OTUD7A: variants seen among roughly 807,000 people sequenced by gnomAD.
The protein encoded by OTUD7A is OTU deubiquitinase 7A.
Under a neutral mutation model 65.7 loss-of-function variants are expected in OTUD7A, and 12 were observed. That is an observed-to-expected ratio of 0.18 (90% CI 0.12 to 0.30). The LOEUF is 0.30. Ranked by LOEUF, OTUD7A falls within the 10% of genes least tolerant of loss-of-function variation. The pLI is 1.00. For synonymous variants in OTUD7A, 641 were observed against 586.3 expected (o/e 1.09, Z -1.35); for missense variants, 1,148 against 1,304.8 (o/e 0.88, Z 1.85).
intron 1 of OTUD7A, among the ~76,000 whole-genome samples, chr15:31,716,350 A>C (rs1436727533): frequency 9.6e-6 from 1 of 104,226 alleles, no homozygotes; most frequent in African/African-American, 2.8e-5. Context: ...CATATTATAT[A>C]TTATTACATA....
chr15:31,769,043 A>C (rs1415615672), intron 1 of OTUD7A, among the ~76,000 whole-genome samples: 1 of 152,252 alleles, frequency 6.6e-6, no homozygotes, highest in Non-Finnish European at 1.5e-5. Flanking sequence ...AAGGGCTGAA[A>C]TATGCCAACT....
intron 1 of OTUD7A, among the ~76,000 whole-genome samples, chr15:31,748,869 T>C (rs1894550453): frequency 6.6e-6 from 1 of 152,208 alleles, no homozygotes; most frequent in Non-Finnish European, 1.5e-5. Flanking sequence ...TTAGGTTGCT[T>C]CCAGTGTAGG....
At chr15:31,843,449 T>C (rs1897232703) in intron 1 of OTUD7A, among the ~76,000 whole-genome samples, 1 of 152,126 alleles carries the variant, frequency 6.6e-6, no homozygotes, top group African/African-American at 2.4e-5. Flanking sequence ...CCTATGCTAC[T>C]TTTCCAGCTC....
chr15:31,681,709 A>T (rs1892722691), intron 1 of OTUD7A, among the ~76,000 whole-genome samples: 1 of 150,996 alleles, frequency 6.6e-6, no homozygotes, highest in Non-Finnish European at 1.5e-5. Context: ...CTGTTGACCT[A>T]CCTTCATGGT....
chr15:31,783,132 A>G (rs1369130000), intron 1 of OTUD7A, among the ~76,000 whole-genome samples: 2 of 152,228 alleles, frequency 1.3e-5, no homozygotes, highest in Non-Finnish European at 2.9e-5. Flanking sequence ...GAAACCAAAA[A>G]GCAGTGGCAT....
At chr15:31,522,699 C>T (rs2141113115) in intron 8 of OTUD7A, among the ~76,000 whole-genome samples, 1 of 152,262 alleles carries the variant, frequency 6.6e-6, no homozygotes, top group African/African-American at 2.4e-5. Context: ...TAATCCCTCC[C>T]CAAGCCCTAG....
At chr15:31,721,095 G>A (rs1409463724) in intron 1 of OTUD7A, among the ~76,000 whole-genome samples, 1 of 152,246 alleles carries the variant, frequency 6.6e-6, no homozygotes, top group African/African-American at 2.4e-5. Flanking sequence ...CACACTCTAC[G>A]ATGTTCACAC....
At chr15:31,629,460 A>T (rs1254435801) in intron 3 of OTUD7A, among the ~76,000 whole-genome samples, 3 of 152,190 alleles carry the variant, frequency 2.0e-5, no homozygotes, top group Admixed American at 2.0e-4. Context: ...ATCATGGTGG[A>T]TAAGCTTTTT....
chr15:31,650,083 C>T (rs1235042778), intron 3 of OTUD7A, among the ~76,000 whole-genome samples: 2 of 110,688 alleles, frequency 1.8e-5, no homozygotes, highest in Admixed American at 8.9e-5. Context: ...TTCTCTGTGC[C>T]CCAGACCTCA....
intron 3 of OTUD7A, among the ~76,000 whole-genome samples, chr15:31,570,880 TTCCCGACTCTGAG>T (rs1242399935): frequency 6.6e-6 from 1 of 152,192 alleles, no homozygotes; most frequent in Non-Finnish European, 1.5e-5. Context: ...GGCACTCTGA[TTCCCGACTCTGAG>T]AGTCAGTGGG....
At chr15:31,784,336 T>C (rs1381941761) in intron 1 of OTUD7A, among the ~76,000 whole-genome samples, 11 of 152,218 alleles carry the variant, frequency 7.2e-5, no homozygotes, top group Admixed American at 6.5e-5. Flanking sequence ...TTAGACTTGC[T>C]TCTCACACTA....
chr15:31,573,192 A>G (rs1244810524), intron 3 of OTUD7A, among the ~76,000 whole-genome samples: 1 of 152,230 alleles, frequency 6.6e-6, no homozygotes, highest in African/African-American at 2.4e-5. Context: ...GCCAAAAGAC[A>G]ATAGGGCCAC....
At chr15:31,689,781 G>A (rs922829191) in intron 1 of OTUD7A, among the ~76,000 whole-genome samples, 35 of 152,254 alleles carry the variant, frequency 2.3e-4, no homozygotes, top group African/African-American at 7.5e-4. Flanking sequence ...CGTGAGGGTG[G>A]GCTCAGAGCC....
intron 8 of OTUD7A, among the ~76,000 whole-genome samples, chr15:31,506,320 A>G (rs766717935): frequency 6.6e-6 from 1 of 151,868 alleles, no homozygotes; most frequent in Non-Finnish European, 1.5e-5. Flanking sequence ...AGTGTAATTT[A>G]TGAATTGTTG....
chr15:31,611,241 AG>A (rs34406617), intron 3 of OTUD7A, among the ~76,000 whole-genome samples: 2 of 152,242 alleles, frequency 1.3e-5, no homozygotes, highest in Non-Finnish European at 2.9e-5. Context: ...TCACACCTCA[AG>A]GAACTAGAGA....
At chr15:31,534,067 G>C (rs1887717361) in intron 5 of OTUD7A, among the ~76,000 whole-genome samples, 1 of 152,068 alleles carries the variant, frequency 6.6e-6, no homozygotes, top group Non-Finnish European at 1.5e-5. Context: ...TATTACACAA[G>C]CTCCTCCAGA....
intron 1 of OTUD7A, among the ~76,000 whole-genome samples, chr15:31,847,033 C>T (rs1280630393): frequency 2.0e-5 from 3 of 152,220 alleles, no homozygotes; most frequent in African/African-American, 7.2e-5. Flanking sequence ...GACAGTCCTC[C>T]TCCTCTCCCA....
chr15:31,681,531 T>C (rs1184009262), intron 1 of OTUD7A, among the ~76,000 whole-genome samples: 1 of 151,920 alleles, frequency 6.6e-6, no homozygotes, highest in African/African-American at 2.4e-5. Flanking sequence ...TATCTACCCG[T>C]ATGCCTATGA....
At chr15:31,697,250 C>T (rs1893104013) in intron 1 of OTUD7A, among the ~76,000 whole-genome samples, 4 of 107,294 alleles carry the variant, frequency 3.7e-5, no homozygotes, top group African/African-American at 8.8e-5. Context: ...CCAGGCGGCC[C>T]CTCCTCACCC....
Sources: gnomAD v4.1 joint callset for allele counts (sites outside exome capture counted in the v4.1 genomes callset) on GRCh38, gnomAD v4.1.1 for gene constraint, MANE v1.5 for transcripts, NCBI Gene and HGNC (gene_info 2026-07-23, HGNC 2026-07-21) for gene names.